The following RLN3 variants were observed in gnomAD, a reference collection of about 807,000 sequenced individuals.
RLN3 encodes the protein relaxin-3.
A neutral mutation model predicts 10.2 loss-of-function variants in RLN3; 13 were observed. That is an observed-to-expected ratio of 1.28 (90% CI 0.83 to 2.03). The LOEUF (loss-of-function observed/expected upper bound fraction) is 2.03, where lower values mean the gene tolerates loss of function less well. Among genes scored for constraint, RLN3 ranks in the 30% most tolerant of loss-of-function variants. The pLI is 0.00. For synonymous variants in RLN3, 56 were observed against 79.2 expected (o/e 0.71, Z 1.56); for missense variants, 191 against 187.2 (o/e 1.02, Z -0.12).
chr19:14,028,756 G>A (rs1397359797), intron 1 of RLN3, among the ~76,000 whole-genome samples: 1 of 152,152 alleles, frequency 6.6e-6, no homozygotes, highest in East Asian at 1.9e-4. Context: ...TCCCCAGCAA[G>A]TTGGTTTTTC....
At chr19:14,030,483 A>G (rs1975782824) in intron 1 of RLN3, 9 of 654,194 alleles carry the variant, frequency 1.4e-5, no homozygotes, top group Middle Eastern at 3.4e-4. Context: ...AACATGGTGA[A>G]CCCCATCTCT....
intron 1 of RLN3, chr19:14,030,126 T>A: frequency 1.8e-6 from 1 of 564,518 alleles, no homozygotes. Flanking sequence ...CCGGACTCAA[T>A]AGTCATTTTT....
At chr19:14,030,231 T>A (rs1975777646) in intron 1 of RLN3, 2 of 701,276 alleles carry the variant, frequency 2.9e-6, no homozygotes, top group East Asian at 5.4e-5. Context: ...TAATTATTTT[T>A]TTCCACTTTG....
rs1398170561 is a variant in RLN3, at chr19:14,031,192, C to A, written c.*244C>A. ...GTGCCCCTGCCTGGTCAAGTGGGGA[C>A]CCCCCCATCCTGACCCCTGACCTCT... On this transcript the variant is annotated 3_prime_UTR_variant, in exon 2 of 2. Coordinates refer to ENST00000431365, the MANE Select transcript of RLN3 (RefSeq NM_080864.4). The A allele has an allele frequency of 6.3e-6, 3 of 476,376 alleles. No individual in the cohort carries two copies. Among genetic ancestry groups the A allele is most frequent in the African/African-American group, 4.6e-5 (2 of 43,126 alleles). The allele number at this position is 476,376 out of a possible 1,614,324, so 29.5% of individuals were successfully genotyped here. A position where few individuals can be genotyped will look rare whatever the true frequency, so the allele number is the denominator to read the frequency against.
Position 14,028,250 on chromosome 19 carries a change from A to ACCGGGGAGCTGTGGCCGGGAGCTGAGGC in RLN3, c.52_79dup (p.Ala27GlyfsTer7). 1 of 1,612,306 alleles carries ACCGGGGAGCTGTGGCCGGGAGCTGAGGC rather than the reference A, an allele frequency of 6.2e-7. No homozygotes were observed. ...GCTGCTCCTGGCGGTATGGGTGCTG[A>ACCGGGGAGCTGTGGCCGGGAGCTGAGGC]CCGGGGAGCTGTGGCCGGGAGCTGA... On this transcript the variant is annotated frameshift_variant, in exon 1 of 2. Transcript: ENST00000431365. LOFTEE classifies it high-confidence loss of function.
chr19:14,029,165 G>A (rs1281278347), intron 1 of RLN3, among the ~76,000 whole-genome samples: 2 of 151,946 alleles, frequency 1.3e-5, no homozygotes, highest in African/African-American at 4.8e-5. Flanking sequence ...GCAGGGCAGC[G>A]GCACAATCTG....
chr19:14,031,474 G>A lies in RLN3; in HGVS notation c.*526G>A, dbSNP rs1975807845. The stretch of plus-strand genomic sequence containing the variant: ...CAAGGCTGTGGACCCCAGAGAAGGT[G>A]GCAGGTGGCCCCCCTAGGAGAGCTC... On this transcript the variant is annotated 3_prime_UTR_variant, in exon 2 of 2. Transcript: ENST00000431365. 8.1e-6 allele frequency: 2 copies of A among 246,216 alleles called. No individual in the cohort carries two copies. 15.3% of individuals were successfully genotyped at this position (246,216 alleles called of 1,614,324 possible). A position where few individuals can be genotyped will look rare whatever the true frequency, so the allele number is the denominator to read the frequency against.
At chr19:14,030,633 C>T (rs2145681774) in intron 1 of RLN3, 77 bp from the exon 2 acceptor site, 2 of 1,211,764 alleles carry the variant, frequency 1.7e-6, no homozygotes, top group Non-Finnish European at 2.5e-6. Flanking sequence ...AAGATCAGAG[C>T]TAGACTGGCC....
In RLN3 at chr19:14,031,070, C is replaced by T. The variant is rs1975798870; in HGVS notation, c.*122C>T. Reference sequence around the variant, plus strand: ...CACATTCATTCATTCATCTACAAGTCACAGAGGCACTGTGGGCTCAGGCAC... The same window carrying T: ...CACATTCATTCATTCATCTACAAGTTACAGAGGCACTGTGGGCTCAGGCAC... On this transcript the variant is annotated 3_prime_UTR_variant, in exon 2 of 2. Coordinates refer to ENST00000431365, the MANE Select transcript of RLN3 (RefSeq NM_080864.4). 1 of 740,348 alleles carries T rather than the reference C, an allele frequency of 1.4e-6. No homozygotes were observed. The highest frequency in any genetic ancestry group is 2.3e-6 in the Non-Finnish European group (1 of 438,860). The allele number at this position is 740,348 out of a possible 1,614,324, so 45.9% of individuals were successfully genotyped here. A position where few individuals can be genotyped will look rare whatever the true frequency, so the allele number is the denominator to read the frequency against.
chr19:14,029,460 T>C (rs1975764457), intron 1 of RLN3, among the ~76,000 whole-genome samples: 1 of 151,776 alleles, frequency 6.6e-6, no homozygotes, highest in Non-Finnish European at 1.5e-5. Flanking sequence ...CAAGCGATTC[T>C]CGTGCCTCCA....
intron 1 of RLN3, 95 bp downstream of exon 1, chr19:14,028,489 G>A: frequency 8.6e-7 from 1 of 1,161,418 alleles, no homozygotes; most frequent in South Asian, 1.5e-5. Context: ...TGCTGGAGGA[G>A]GAGGGTCCCT....
rs770877582 is a variant in RLN3, at chr19:14,031,007, A to T, written c.*59A>T. On this transcript the variant is annotated 3_prime_UTR_variant, in exon 2 of 2. Coordinates refer to ENST00000431365, the MANE Select transcript of RLN3 (RefSeq NM_080864.4). The stretch of plus-strand genomic sequence containing the variant: ...AATGCCCCAGTCCTGCCATCCACTC[A>T]ACTAGTGTCTGGCTGGGCACCTGTC... 3 of 1,175,934 alleles carry T rather than the reference A, an allele frequency of 2.6e-6. No homozygotes were observed. The highest frequency in any genetic ancestry group is 3.6e-6 in the Non-Finnish European group (3 of 823,790). 72.8% of individuals were successfully genotyped at this position (1,175,934 alleles called of 1,614,324 possible).
rs111732888 is a variant in RLN3, at chr19:14,031,191, AC to A, written c.*250del. The A allele has an allele frequency of 2.8e-5, 14 of 498,816 alleles. No homozygotes were observed. Among genetic ancestry groups the A allele is most frequent in the Non-Finnish European group, 3.9e-5 (11 of 280,694 alleles). 30.9% of individuals were successfully genotyped at this position (498,816 alleles called of 1,614,324 possible). The stretch of plus-strand genomic sequence containing the variant: ...TGTGCCCCTGCCTGGTCAAGTGGGG[AC>A]CCCCCCATCCTGACCCCTGACCTCT... On this transcript the variant is annotated 3_prime_UTR_variant, in exon 2 of 2. Transcript: ENST00000431365.
rs539873257 is a variant in RLN3, at chr19:14,028,863, C to T, written c.190+469C>T. Among the ~76,000 whole-genome samples the T allele has an allele frequency of 3.9e-5, 6 of 152,206 alleles. No homozygotes were observed. The South Asian group carries it at 1.2e-3, about 32-fold the overall frequency. ...AATCACTGCTCATTGCAGCCTCGACCTCCCAGGCTCAAGTGATTCTCCTGC... is the reference window on the plus strand; with the variant it reads ...AATCACTGCTCATTGCAGCCTCGACTTCCCAGGCTCAAGTGATTCTCCTGC... On this transcript the variant is annotated intron_variant, in intron 1 of 1. Transcript: ENST00000431365.
chr19:14,028,252 C>A lies in RLN3; in HGVS notation c.48C>A (p.Thr16=). ...TGCTCCTGGCGGTATGGGTGCTGAC[C>A]GGGGAGCTGTGGCCGGGAGCTGAGG... ...LLLLLAVWVL[T]GELWPGAEAR... is the part of the protein sequence containing the mutation. The change falls in exon 1 of 2, where the codon ACC becomes ACA. Residue 16 remains threonine, a synonymous_variant. Coordinates refer to ENST00000431365, the MANE Select transcript of RLN3 (RefSeq NM_080864.4). 6.2e-7 allele frequency: 1 copy of A among 1,612,386 alleles called. No individual in the cohort carries two copies.
Position 14,030,878 on chromosome 19 carries a change from T to G in RLN3, c.359T>G (p.Val120Gly). ...TPGVLRGSRDVLAGLSSSCCK... is the reference protein window; with the variant it reads ...TPGVLRGSRDGLAGLSSSCCK... ...GGGGTTCTTCGGGGCAGCCGAGATG[T>G]CCTGGCTGGCCTTTCCAGCAGCTGC... Residue 120 changes from valine (V) to glycine (G), a missense_variant, in exon 2 of 2, where the codon GTC (valine) becomes GGC (glycine). Transcript: ENST00000431365. 2 of 1,608,094 alleles carry G rather than the reference T, an allele frequency of 1.2e-6. No individual in the cohort carries two copies. The highest frequency in any genetic ancestry group is 1.7e-6 in the Non-Finnish European group (2 of 1,175,848).
rs774235386 is a variant in RLN3, at chr19:14,028,389, C to T, written c.185C>T (p.Ala62Val). 1 of 1,609,406 alleles carries T rather than the reference C, an allele frequency of 6.2e-7. No individual in the cohort carries two copies. Among genetic ancestry groups the T allele is most frequent in the African/African-American group, 1.3e-5 (1 of 74,806 alleles). The change falls in exon 1 of 2, where the codon GCT becomes GTT. Residue 62 changes from alanine to valine, a missense_variant. Transcript: ENST00000431365. The stretch of plus-strand genomic sequence containing the variant: ...CGATCAGACATCCTGGCCCACGAGG[C>T]TATGGGTGAGGCTGGGGAGAGAGTG... ...WRRSDILAHE[A>V]MGDTFPDADA...
chr19:14,030,809 C>T lies in RLN3; in HGVS notation c.290C>T (p.Pro97Leu), dbSNP rs1162155327. The change falls in exon 2 of 2, where the codon CCC becomes CTC. Residue 97 changes from proline to leucine, a missense_variant. Transcript: ENST00000431365. Reference sequence around the variant, plus strand: ...GAGTGGCTGGCCCTGACCAAGTCACCCCAGGCCTTTTACAGGGGGCGACCC... The same window carrying T: ...GAGTGGCTGGCCCTGACCAAGTCACTCCAGGCCTTTTACAGGGGGCGACCC... ...SSEWLALTKS[P>L]QAFYRGRPSW... 1.3e-5 allele frequency: 21 copies of T among 1,614,124 alleles called. No individual in the cohort carries two copies. Among genetic ancestry groups the T allele is most frequent in the Non-Finnish European group, 1.8e-5 (21 of 1,180,012 alleles).
At position 14,031,372 on chromosome 19, in the gene RLN3, T is replaced by C. The variant is rs1412685982; in HGVS notation, c.*424T>C. On this transcript the variant is annotated 3_prime_UTR_variant, in exon 2 of 2. Coordinates refer to ENST00000431365, the MANE Select transcript of RLN3 (RefSeq NM_080864.4). ...GACCAGCTAAAATCAAGCCTCTGTCTCAGTCCAGCCTTTGCACGCACGCTT... is the reference window on the plus strand; with the variant it reads ...GACCAGCTAAAATCAAGCCTCTGTCCCAGTCCAGCCTTTGCACGCACGCTT... The C allele has an allele frequency of 9.1e-6, 2 of 220,608 alleles. No homozygotes were observed. Among genetic ancestry groups the C allele is most frequent in the Non-Finnish European group, 1.8e-5 (2 of 111,312 alleles). The allele number at this position is 220,608 out of a possible 1,614,324, so 13.7% of individuals were successfully genotyped here.
Sources: gnomAD v4.1 joint callset for allele counts (sites outside exome capture counted in the v4.1 genomes callset) on GRCh38, gnomAD v4.1.1 for gene constraint, MANE v1.5 for transcripts, NCBI Gene and HGNC (gene_info 2026-07-23, HGNC 2026-07-21) for gene names.